The following SNX24 variants were observed in gnomAD, a reference collection of about 807,000 sequenced individuals.
The protein encoded by SNX24 is sorting nexin-24.
SNX24 carries 22 observed loss-of-function variants against 28.7 expected under a neutral mutation model. The ratio of observed to expected loss-of-function variants is 0.77; its 90% CI spans 0.55 to 1.10. The LOEUF is 1.10. SNX24 is among the 50% of genes least tolerant of loss of function. The pLI, the probability that SNX24 is intolerant of heterozygous loss-of-function variation, is 0.00. For synonymous variants in SNX24, 69 were observed against 71.5 expected (o/e 0.96, Z 0.18); for missense variants, 221 against 201.1 (o/e 1.10, Z -0.60).
intron 1 of SNX24, among the ~76,000 whole-genome samples, chr5:122,886,004 C>G (rs1756691942): frequency 6.6e-6 from 1 of 152,116 alleles, no homozygotes; most frequent in African/African-American, 2.4e-5. Context: ...TGGCTGGTTC[C>G]TAACAGGCCA....
At chr5:122,928,644 A>G (rs1476736939) in intron 1 of SNX24, among the ~76,000 whole-genome samples, 4 of 151,994 alleles carry the variant, frequency 2.6e-5, no homozygotes, top group African/African-American at 7.2e-5. Flanking sequence ...TCACAACTGC[A>G]GGGATCCTAT....
chr5:122,891,118 C>A, intron 1 of SNX24: 1 of 1,511,250 alleles, frequency 6.6e-7, no homozygotes, highest in Non-Finnish European at 8.9e-7. Flanking sequence ...GGAAGACTTA[C>A]ATATCAGGTA....
intron 1 of SNX24, among the ~76,000 whole-genome samples, chr5:122,872,297 GT>G (rs1409786038): frequency 2.0e-5 from 3 of 151,680 alleles, no homozygotes; most frequent in African/African-American, 7.3e-5. Context: ...TGATTCTTTG[GT>G]TAAACCAATT....
At chr5:122,971,885 GACCT>G (rs1760974993) in intron 3 of SNX24, among the ~76,000 whole-genome samples, 2 of 10,526 alleles carry the variant, frequency 1.9e-4, no homozygotes, top group South Asian at 0.012. Context: ...TTTTTTACCT[GACCT>G]GGTGGAGTGA....
At chr5:123,015,336 G>C (rs1233110332) in intron 5 of SNX24, among the ~76,000 whole-genome samples, 1 of 152,152 alleles carries the variant, frequency 6.6e-6, no homozygotes, top group Non-Finnish European at 1.5e-5. Context: ...ACATCTTCCC[G>C]GATTCCAGGT....
intron 3 of SNX24, among the ~76,000 whole-genome samples, chr5:122,953,716 C>T (rs954196608): frequency 6.6e-6 from 1 of 152,128 alleles, no homozygotes; most frequent in Non-Finnish European, 1.5e-5. Flanking sequence ...ATTACAATAA[C>T]GTGGAATTTA....
chr5:122,979,769 C>T (rs963528257), intron 3 of SNX24, among the ~76,000 whole-genome samples: 3 of 152,182 alleles, frequency 2.0e-5, no homozygotes, highest in African/African-American at 4.8e-5. Flanking sequence ...TAATGCCCAC[C>T]GTTGAGCATT....
At chr5:122,967,339 A>G (rs955633921) in intron 3 of SNX24, among the ~76,000 whole-genome samples, 1 of 152,184 alleles carries the variant, frequency 6.6e-6, no homozygotes, top group Admixed American at 6.5e-5. Context: ...TGTAAAATAC[A>G]TCAGTTTTCC....
At position 123,008,729 on chromosome 5, in the gene SNX24, C is replaced by A; in HGVS notation, c.*980C>A. The A allele has an allele frequency of 2.5e-6, 1 of 402,080 alleles. No homozygotes were observed. Among genetic ancestry groups the A allele is most frequent in the Non-Finnish European group, 3.4e-6 (1 of 296,884 alleles). 24.9% of individuals were successfully genotyped at this position (402,080 alleles called of 1,614,324 possible). On this transcript the variant is annotated 3_prime_UTR_variant, in exon 7 of 7. Coordinates refer to ENST00000261369, the MANE Select transcript of SNX24 (RefSeq NM_014035.4). ...GCATTCATTTTAGGTGGGATCGCCA[C>A]AGGATTTCATGTTATTTTCCTTACG...
intron 3 of SNX24, chr5:122,965,539 C>T (rs531025653): frequency 1.2e-5 from 5 of 434,616 alleles, no homozygotes; most frequent in Non-Finnish European, 2.3e-5. Flanking sequence ...CAAAATGATG[C>T]CTTTTATAAG....
At chr5:123,018,737 A>G (rs1425477872) in intron 5 of SNX24, among the ~76,000 whole-genome samples, 2 of 151,276 alleles carry the variant, frequency 1.3e-5, no homozygotes, top group Non-Finnish European at 2.9e-5. Context: ...CCCAGGCTGG[A>G]GTGCAGTGGT....
intron 1 of SNX24, among the ~76,000 whole-genome samples, chr5:122,872,159 A>G (rs1313915102): frequency 1.3e-5 from 2 of 150,566 alleles, no homozygotes; most frequent in Non-Finnish European, 1.5e-5. Context: ...GAATGATTGC[A>G]TATTTAATTC....
intron 3 of SNX24, among the ~76,000 whole-genome samples, chr5:122,952,165 A>G (rs1435202052): frequency 1.3e-5 from 2 of 152,180 alleles, no homozygotes; most frequent in Non-Finnish European, 2.9e-5. Context: ...ATATGCACAC[A>G]TTCTATAATC....
rs975185986 is a variant in SNX24, at chr5:122,886,883, C to G, written c.60+41190C>G. On this transcript the variant is annotated intron_variant, in intron 1 of 6. Transcript: ENST00000261369. ...ATATTTCTCCTGAGTAAGGCAAGAA[C>G]CTTAGCACACCTTAGTTACTGTTCT... Among the ~76,000 whole-genome samples the G allele has an allele frequency of 2.6e-5, 4 of 151,890 alleles. No homozygotes were observed. The South Asian group carries it at 6.2e-4, about 24-fold the overall frequency.
At chr5:122,947,575 C>G (rs552976323) in intron 3 of SNX24, among the ~76,000 whole-genome samples, 2 of 152,126 alleles carry the variant, frequency 1.3e-5, no homozygotes, top group African/African-American at 2.4e-5. Context: ...GGGGTGAGAG[C>G]TTAAAGGAAA....
intron 2 of SNX24, among the ~76,000 whole-genome samples, chr5:122,940,408 A>G (rs1759388317): frequency 6.6e-6 from 1 of 152,174 alleles, no homozygotes; most frequent in East Asian, 1.9e-4. Context: ...CAGTTTTCCT[A>G]AAACACCATT....
chr5:122,936,872 T>A, intron 2 of SNX24, 55 bp downstream of exon 2: 3 of 996,894 alleles, frequency 3.0e-6, no homozygotes, highest in Non-Finnish European at 4.8e-6. Context: ...GGTATAATGT[T>A]AACTAACACT....
At chr5:122,927,918 A>G (rs761271679) in intron 1 of SNX24, among the ~76,000 whole-genome samples, 1 of 152,232 alleles carries the variant, frequency 6.6e-6, no homozygotes, top group Non-Finnish European at 1.5e-5. Flanking sequence ...TAGTTGATGC[A>G]GATGTCCGCA....
chr5:122,854,696 A>G (rs1437449083), intron 1 of SNX24, among the ~76,000 whole-genome samples: 1 of 152,146 alleles, frequency 6.6e-6, no homozygotes, highest in Non-Finnish European at 1.5e-5. Flanking sequence ...TTAATGATAT[A>G]TCCTGGAGAT....
Sources: allele counts gnomAD v4.1 joint callset (sites outside exome capture counted in the v4.1 genomes callset), GRCh38; gene constraint gnomAD v4.1.1; transcripts MANE v1.5; gene names NCBI Gene and HGNC (gene_info 2026-07-23, HGNC 2026-07-21).